The following RINL variants were observed in gnomAD, a reference collection of about 807,000 sequenced individuals.
RINL encodes ras and Rab interactor-like protein.
RINL carries 39 observed loss-of-function variants against 58.1 expected under a neutral mutation model. The ratio of observed to expected loss-of-function variants is 0.67; its 90% CI spans 0.52 to 0.88. The LOEUF (loss-of-function observed/expected upper bound fraction) is 0.88. Ranked by LOEUF, RINL falls within the 40% of genes least tolerant of loss-of-function variation. RINL has a pLI of 0.00. For synonymous variants in RINL, 286 were observed against 323.1 expected (o/e 0.89, Z 1.23); for missense variants, 711 against 749.2 (o/e 0.95, Z 0.60).
chr19:38,875,859 G>T (rs1214042547), intron 3 of RINL, among the ~76,000 whole-genome samples: 4 of 152,148 alleles, frequency 2.6e-5, no homozygotes, highest in Non-Finnish European at 5.9e-5. Context: ...CTGCACTGCT[G>T]ATCTAAAGCC....
intron 4 of RINL, among the ~76,000 whole-genome samples, chr19:38,872,161 C>CG (rs1305146650): frequency 2.0e-5 from 3 of 151,988 alleles, no homozygotes; most frequent in Admixed American, 2.0e-4. Flanking sequence ...TACCTTTTAG[C>CG]GGGGGGCGGA....
rs1220075487 is a variant in RINL, at chr19:38,876,428, T to C, written c.113A>G (p.Glu38Gly). The change falls in exon 3 of 12, where the codon GAG becomes GGG. Residue 38 changes from glutamate (E) to glycine (G), a missense_variant. Transcript: ENST00000591812. ...RTPLGVLSTL[E>G]PLTRLQRTWG... ...TGTCCTCTGCAGGCGAGTAAGTGGC[T>C]CTAGGGTGCTGAGGACCCCTAGAGG... is the stretch of plus-strand genomic sequence containing the variant. The C allele has an allele frequency of 2.7e-5, 42 of 1,535,884 alleles. No homozygotes were observed. The South Asian group carries it at 3.8e-4, about 14-fold the overall frequency.
rs752450623 is a variant in RINL, at chr19:38,870,858, T to A, written c.736A>T (p.Arg246Trp). The A allele has an allele frequency of 1.9e-6, 3 of 1,606,350 alleles. No individual in the cohort carries two copies. In the Admixed American group the frequency reaches 5.0e-5, roughly 27 times the overall value. ...CCTTCCTCTTCAGGGTCGTCCTCCC[T>A]TCCTTCCTCCTTTCCTTCAAGGTCT... Reference protein sequence around the residue: ...EEDLEGKEEGREDDPEEEGPE... With the variant: ...EEDLEGKEEGWEDDPEEEGPE... Residue 246 changes from arginine to tryptophan, a missense_variant, in exon 8 of 12, where the codon AGG (arginine) becomes TGG (tryptophan). Arg to Trp is a moderately radical substitution (Grantham distance 101). Transcript: ENST00000591812. This position sits in a 1 kb window ranked among gnomAD's most constrained non-coding sequence, Gnocchi z 5.8.
chr19:38,870,130 C>CG lies in RINL; in HGVS notation c.1154dup (p.Ala387GlyfsTer101). 1 of 1,419,788 alleles carries CG rather than the reference C, an allele frequency of 7.0e-7. No individual in the cohort carries two copies. Among genetic ancestry groups the CG allele is most frequent in the Non-Finnish European group, 9.1e-7 (1 of 1,097,434 alleles). 87.9% of individuals were successfully genotyped at this position (1,419,788 alleles called of 1,614,324 possible). A position where few individuals can be genotyped will look rare whatever the true frequency, so the allele number is the denominator to read the frequency against. On this transcript the variant is annotated frameshift_variant, in exon 9 of 12. Transcript: ENST00000591812. LOFTEE classifies it high-confidence loss of function. This position sits in a 1 kb window ranked among gnomAD's most constrained non-coding sequence, Gnocchi z 5.8. ...CCTGTGCCCCCGGAGGCCCCGCCCC[C>CG]GCCCGCAGGGCTGTCTGTCGCCGCC...
At position 38,870,611 on chromosome 19, in the gene RINL, C is replaced by G. The variant is rs1178037223; in HGVS notation, c.983G>C (p.Gly328Ala). 1.2e-6 allele frequency: 2 copies of G among 1,604,876 alleles called. No individual in the cohort carries two copies. The highest frequency in any genetic ancestry group is 1.7e-6 in the Non-Finnish European group (2 of 1,175,086). Residue 328 changes from glycine (G) to alanine (A), a missense_variant, in exon 8 of 12, where the codon GGA (glycine) becomes GCA (alanine). Transcript: ENST00000591812. The surrounding 1 kb of genome is among the most constrained non-coding windows in gnomAD (Gnocchi z 5.8). ...AKDSYIRAVF[G>A]SRGPGLPKKD... ...CTTGGGGAGCCCAGGACCCCTGCTTCCAAAGACAGCCCTGATGTAGGAGTC... is the reference window on the plus strand; with the variant it reads ...CTTGGGGAGCCCAGGACCCCTGCTTGCAAAGACAGCCCTGATGTAGGAGTC...
Position 38,871,005 on chromosome 19 carries a change from A to T in RINL, c.602-13T>A, listed in dbSNP as rs1360136831. On this transcript the variant is annotated splice_polypyrimidine_tract_variant and intron_variant, in intron 7 of 11. Coordinates refer to ENST00000591812, the MANE Select transcript of RINL (RefSeq NM_001195833.2). ...GGGTTCCTGGGGGCTGGAAGTGAGG[A>T]GGGCATTCGGTCGCCTAGAACAGGG... The T allele has an allele frequency of 2.5e-6, 4 of 1,588,676 alleles. No homozygotes were observed. The highest frequency in any genetic ancestry group is 3.4e-6 in the Non-Finnish European group (4 of 1,169,450).
chr19:38,869,011 G>A lies in RINL; in HGVS notation c.*93C>T. 1 of 1,171,896 alleles carries A rather than the reference G, an allele frequency of 8.5e-7. No individual in the cohort carries two copies. The highest frequency in any genetic ancestry group is 1.2e-6 in the Non-Finnish European group (1 of 842,220). 72.6% of individuals were successfully genotyped at this position (1,171,896 alleles called of 1,614,324 possible). A position where few individuals can be genotyped will look rare whatever the true frequency, so the allele number is the denominator to read the frequency against. On this transcript the variant is annotated 3_prime_UTR_variant, in exon 12 of 12. Coordinates refer to ENST00000591812, the MANE Select transcript of RINL (RefSeq NM_001195833.2). This position sits in a 1 kb window ranked among gnomAD's most constrained non-coding sequence, Gnocchi z 5.7. ...GATGGGGGTCCCACTGTTTTGCCCA[G>A]GCTGGTCTCAAACTCCTGGGCTCAA...
chr19:38,871,305 T>TA (rs1447352439), intron 6 of RINL, 78 bp from the exon 7 acceptor site: 2 of 1,515,222 alleles, frequency 1.3e-6, no homozygotes, highest in Admixed American at 3.5e-5. Flanking sequence ...CCAGGAGACT[T>TA]ACTTCCCAGC....
In RINL at chr19:38,871,190, TG is replaced by T; in HGVS notation, c.488del (p.Pro163GlnfsTer8). On this transcript the variant is annotated frameshift_variant, in exon 7 of 12. Coordinates refer to ENST00000591812, the MANE Select transcript of RINL (RefSeq NM_001195833.2). LOFTEE classifies it high-confidence loss of function. ...VQIGRVQQDTPGKVLSIVNQL... is the reference protein window; with the variant it reads ...VQIGRVQQDTXGKVLSIVNQL... ...GGTTCACAATGGAAAGCACCTTCCC[TG>T]GGGTGTCCTGTTGGACCCTGCCGAT... 1 of 1,614,058 alleles carries T rather than the reference TG, an allele frequency of 6.2e-7. No homozygotes were observed. The highest frequency in any genetic ancestry group is 8.5e-7 in the Non-Finnish European group (1 of 1,179,998).
At chr19:38,871,019 C>G (rs531600152) in intron 7 of RINL, 27 bp from the exon 8 acceptor site, 54 of 1,581,460 alleles carry the variant, frequency 3.4e-5, no homozygotes, top group Non-Finnish European at 3.4e-6. Flanking sequence ...CATTCGGTCG[C>G]CTAGAACAGG....
At position 38,876,379 on chromosome 19, in the gene RINL, C is replaced by A. The variant is rs1329590229; in HGVS notation, c.162G>T (p.Glu54Asp). The A allele has an allele frequency of 1.3e-6, 2 of 1,536,156 alleles. No homozygotes were observed. Among genetic ancestry groups the A allele is most frequent in the Non-Finnish European group, 1.7e-6 (2 of 1,146,908 alleles). Reference protein sequence around the residue: ...QRTWGVWHVPELDTQDAEALV... With the variant: ...QRTWGVWHVPDLDTQDAEALV... ...GGGCCTCCGCATCCTGGGTATCCAG[C>A]TCTGGCACATGCCACACCCCCCATG... The change falls in exon 3 of 12, where the codon GAG (glutamate) becomes GAT (aspartate). Residue 54 changes from glutamate to aspartate, a missense_variant. Coordinates refer to ENST00000591812, the MANE Select transcript of RINL (RefSeq NM_001195833.2).
rs1200707731 is a variant in RINL at position 38,876,453 on chromosome 19, G to A, written c.88C>T (p.Pro30Ser). 1 of 1,536,052 alleles carries A rather than the reference G, an allele frequency of 6.5e-7. No individual in the cohort carries two copies. The highest frequency in any genetic ancestry group is 8.7e-7 in the Non-Finnish European group (1 of 1,146,856). Residue 30 changes from proline (P) to serine (S), a missense_variant, in exon 3 of 12, where the codon CCT (proline) becomes TCT (serine). Physicochemically the swap from Pro to Ser is moderately conservative, Grantham distance 74. Transcript: ENST00000591812. ...TCTAGGGTGCTGAGGACCCCTAGAG[G>A]GGTCCTGTCTGCTTTGTTCACCTGT... ...PPQVNKADRTPLGVLSTLEPL... is the reference protein window; with the variant it reads ...PPQVNKADRTSLGVLSTLEPL...
At chr19:38,873,407 GGT>G (rs1972854737) in intron 4 of RINL, 1 of 161,384 alleles carries the variant, frequency 6.2e-6, no homozygotes, top group Non-Finnish European at 1.4e-5. Flanking sequence ...TTGGGGCAGG[GGT>G]GTATAACATC....
At position 38,871,710 on chromosome 19, in the gene RINL, C is replaced by A. The variant is rs761218583; in HGVS notation, c.388G>T (p.Asp130Tyr). The change falls in exon 6 of 12, where the codon GAT (aspartate) becomes TAT (tyrosine). Residue 130 changes from aspartate (D) to tyrosine (Y), a missense_variant and splice_region_variant. Asp to Tyr is a radical substitution (Grantham distance 160). Coordinates refer to ENST00000591812, the MANE Select transcript of RINL (RefSeq NM_001195833.2). ...AAGAGCAGGGTTCTGGGCAGAACATCCCTGAGAATAAAGAGGTGGGAGCCA... is the reference window on the plus strand; with the variant it reads ...AAGAGCAGGGTTCTGGGCAGAACATACCTGAGAATAAAGAGGTGGGAGCCA... ...HLLAFLSASR[D>Y]VLPRTLLLPP... The A allele has an allele frequency of 6.2e-7, 1 of 1,614,124 alleles. No individual in the cohort carries two copies. Among genetic ancestry groups the A allele is most frequent in the Non-Finnish European group, 8.5e-7 (1 of 1,180,018 alleles).
intron 3 of RINL, 128 bp downstream of exon 3, chr19:38,876,203 G>T: frequency 2.3e-6 from 2 of 870,098 alleles, no homozygotes; most frequent in Non-Finnish European, 3.5e-6. Flanking sequence ...AGGACTGCAG[G>T]CATGAGCCAT....
At position 38,874,095 on chromosome 19, in the gene RINL, T is replaced by A. The variant is rs1372723857; in HGVS notation, c.211-107A>T. 5.3e-5 allele frequency: 36 copies of A among 677,154 alleles called. No homozygotes were observed. The Admixed American group carries it at 8.6e-4, about 16-fold the overall frequency. 41.9% of individuals were successfully genotyped at this position (677,154 alleles called of 1,614,324 possible). A position where few individuals can be genotyped will look rare whatever the true frequency, so the allele number is the denominator to read the frequency against. ...TTATTTTGGGTTCCACACCCCAAAT[T>A]TCCTTTAGGGAAACCCTCTCCCTAC... is the stretch of plus-strand genomic sequence containing the variant. On this transcript the variant is annotated intron_variant, in intron 3 of 11. Transcript: ENST00000591812.
chr19:38,872,624 C>T (rs1348105147), intron 4 of RINL, among the ~76,000 whole-genome samples: 1 of 151,494 alleles, frequency 6.6e-6, no homozygotes, highest in African/African-American at 2.4e-5. Context: ...CCTGTAATCC[C>T]ATCACTTTGG....
rs765219098 is a variant in RINL, at chr19:38,869,095, G to A, written c.*9C>T. The A allele has an allele frequency of 1.3e-6, 2 of 1,586,720 alleles. No homozygotes were observed. Among genetic ancestry groups the A allele is most frequent in the East Asian group, 2.2e-5 (1 of 44,536 alleles). On this transcript the variant is annotated 3_prime_UTR_variant, in exon 12 of 12. Transcript: ENST00000591812. This position sits in a 1 kb window ranked among gnomAD's most constrained non-coding sequence, Gnocchi z 5.7. ...GGATTACAGGCATGAACGGAGGGGT[G>A]TGAAACCCCTAGTTGTCACTGGTCC...
At chr19:38,875,727 G>C (rs969944352) in intron 3 of RINL, among the ~76,000 whole-genome samples, 1 of 151,610 alleles carries the variant, frequency 6.6e-6, no homozygotes, top group Non-Finnish European at 1.5e-5. Context: ...AAAATAAACA[G>C]ATGCAAGTGG....
Sources: allele counts gnomAD v4.1 joint callset (sites outside exome capture counted in the v4.1 genomes callset), GRCh38; gene constraint gnomAD v4.1.1; non-coding constraint Gnocchi (gnomAD v3.1); transcripts MANE v1.5; gene names NCBI Gene and HGNC (gene_info 2026-07-23, HGNC 2026-07-21).